Variants in TNFAIP8 observed in about 807,000 individuals in gnomAD.
TNFAIP8 encodes the protein tumor necrosis factor alpha-induced protein 8.
In TNFAIP8, 7 loss-of-function variants were observed where a neutral mutation model predicts 13.3. The observed-to-expected ratio is 0.52, with a 90% confidence interval of 0.30 to 0.99. The LOEUF (loss-of-function observed/expected upper bound fraction) is 0.99, where lower values mean the gene tolerates loss of function less well. Ranked by LOEUF, TNFAIP8 falls within the 50% of genes least tolerant of loss-of-function variation. TNFAIP8 has a pLI of 0.07. For synonymous variants in TNFAIP8, 94 were observed against 87.6 expected (o/e 1.07, Z -0.41); for missense variants, 258 against 236.9 (o/e 1.09, Z -0.58).
intron 1 of TNFAIP8, among the ~76,000 whole-genome samples, chr5:119,392,037 A>C (rs1257814829): frequency 6.6e-6 from 1 of 152,222 alleles, no homozygotes; most frequent in Non-Finnish European, 1.5e-5. Context: ...TCATTAGCTC[A>C]TGAAAAGGTT....
rs1753068979 is a variant in TNFAIP8, at chr5:119,396,225, T to C, written c.*2844T>C. 6.6e-6 allele frequency: 1 copy of C among 152,284 alleles called. No homozygotes were observed. The highest frequency in any genetic ancestry group is 2.4e-5 in the African/African-American group (1 of 41,466). 9.4% of individuals were successfully genotyped at this position (152,284 alleles called of 1,614,324 possible). A position where few individuals can be genotyped will look rare whatever the true frequency, so the allele number is the denominator to read the frequency against. ...GCTCAGAGAAGCGTGGGCAGTATGC[T>C]GCTGAAATGGTTCCTCATATAGTGA... is the stretch of plus-strand genomic sequence containing the variant. On this transcript the variant is annotated 3_prime_UTR_variant, in exon 2 of 2. Coordinates refer to ENST00000504771, the MANE Select transcript of TNFAIP8 (RefSeq NM_014350.4).
chr5:119,359,969 C>G (rs982680894), intron 1 of TNFAIP8, among the ~76,000 whole-genome samples: 1 of 152,188 alleles, frequency 6.6e-6, no homozygotes, highest in Non-Finnish European at 1.5e-5. Flanking sequence ...AGTGGAAAAT[C>G]CATTTAGAGA....
At chr5:119,391,923 A>G (rs937447498) in intron 1 of TNFAIP8, among the ~76,000 whole-genome samples, 2 of 152,248 alleles carry the variant, frequency 1.3e-5, no homozygotes, top group Non-Finnish European at 2.9e-5. Flanking sequence ...TTTAATATGT[A>G]TAGCCATTAT....
chr5:119,299,690 T>C, intron 1 of TNFAIP8, among the ~76,000 whole-genome samples: 1 of 152,136 alleles, frequency 6.6e-6, no homozygotes, highest in Admixed American at 6.5e-5. Context: ...GTCTTTTTGT[T>C]TGTTGTGCCC....
At chr5:119,391,300 T>G in intron 1 of TNFAIP8, 1 of 690,192 alleles carries the variant, frequency 1.4e-6, no homozygotes, top group Non-Finnish European at 2.7e-6. Context: ...TTGACTCATT[T>G]GTATGTATCT....
chr5:119,382,179 C>A (rs1752512263), intron 1 of TNFAIP8, among the ~76,000 whole-genome samples: 2 of 152,102 alleles, frequency 1.3e-5, no homozygotes, highest in South Asian at 4.1e-4. Context: ...TCTTTGAAGT[C>A]AATCTCCTTT....
At chr5:119,363,531 C>T (rs1751710096) in intron 1 of TNFAIP8, among the ~76,000 whole-genome samples, 1 of 152,196 alleles carries the variant, frequency 6.6e-6, no homozygotes, top group South Asian at 2.1e-4. Context: ...CTACAGGCCT[C>T]TTCCTGTGGC....
At chr5:119,375,892 A>G (rs1752258760) in intron 1 of TNFAIP8, among the ~76,000 whole-genome samples, 1 of 152,124 alleles carries the variant, frequency 6.6e-6, no homozygotes, top group Non-Finnish European at 1.5e-5. Context: ...ACTTAAACCT[A>G]AAGAATATGA....
Position 119,395,726 on chromosome 5 carries a change from A to G in TNFAIP8, c.*2345A>G, listed in dbSNP as rs1315202056. 2 of 152,196 alleles carry G rather than the reference A, an allele frequency of 1.3e-5. No homozygotes were observed. The highest frequency in any genetic ancestry group is 2.1e-4 in the South Asian group (1 of 4,834). The allele number at this position is 152,196 out of a possible 1,614,324, so 9.4% of individuals were successfully genotyped here. On this transcript the variant is annotated 3_prime_UTR_variant, in exon 2 of 2. Coordinates refer to ENST00000504771, the MANE Select transcript of TNFAIP8 (RefSeq NM_014350.4). ...GTCCAAAGTCGTGATTAGCAAGTTC[A>G]TTTCTAATACAATAGGACTCCCCTT...
intron 1 of TNFAIP8, among the ~76,000 whole-genome samples, chr5:119,281,260 C>T (rs547948246): frequency 6.6e-5 from 4 of 60,220 alleles, no homozygotes; most frequent in South Asian, 5.6e-4. Context: ...GGCCTTTCCT[C>T]GGTCAGAGCT....
rs1423887082 is a variant in TNFAIP8 at position 119,392,998 on chromosome 5, A to T, written c.214A>T (p.Ile72Phe). 2.5e-5 allele frequency: 41 copies of T among 1,613,056 alleles called. No homozygotes were observed. Among genetic ancestry groups the T allele is most frequent in the Non-Finnish European group, 3.3e-5 (39 of 1,179,534 alleles). The change falls in exon 2 of 2, where the codon ATC (isoleucine) becomes TTC (phenylalanine). Residue 72 changes from isoleucine (I) to phenylalanine (F), a missense_variant. Coordinates refer to ENST00000504771, the MANE Select transcript of TNFAIP8 (RefSeq NM_014350.4). ...AAACAAGAAGGAGGCAGAGAAGATC[A>T]TCAAGAACCTCATCAAGACAGTCAT... ...TQNKKEAEKI[I>F]KNLIKTVIKL...
chr5:119,301,277 C>T (rs1305690241), intron 1 of TNFAIP8, among the ~76,000 whole-genome samples: 1 of 152,308 alleles, frequency 6.6e-6, no homozygotes, highest in East Asian at 1.9e-4. Context: ...CCATTGGGCA[C>T]TCTATGCTTA....
At chr5:119,355,704 T>A (rs1312548383), upstream of TNFAIP8, 1 of 279,724 alleles carries the variant, frequency 3.6e-6, no homozygotes, top group Non-Finnish European at 6.6e-6. Flanking sequence ...ATACCTTTTT[T>A]TCCGCCCGTC....
intron 1 of TNFAIP8, among the ~76,000 whole-genome samples, chr5:119,298,882 C>T (rs1012069673): frequency 6.6e-6 from 1 of 152,242 alleles, no homozygotes; most frequent in Non-Finnish European, 1.5e-5. Flanking sequence ...GATACCCTTT[C>T]TTCCAGTTGA....
intron 1 of TNFAIP8, among the ~76,000 whole-genome samples, chr5:119,277,682 G>T (rs115163761): frequency 0.017 from 2,550 of 152,300 alleles, 70 homozygotes; most frequent in African/African-American, 0.059. Flanking sequence ...TTCTTAGTCT[G>T]TTTGTACTGC....
At chr5:119,361,625 G>C (rs1751639756) in intron 1 of TNFAIP8, among the ~76,000 whole-genome samples, 1 of 152,246 alleles carries the variant, frequency 6.6e-6, no homozygotes, top group East Asian at 1.9e-4. Context: ...TTAGGTGCCT[G>C]AAGCCTCCAG....
chr5:119,303,651 C>G (rs1749461407), intron 1 of TNFAIP8, among the ~76,000 whole-genome samples: 1 of 152,136 alleles, frequency 6.6e-6, no homozygotes, highest in African/African-American at 2.4e-5. Context: ...AAAATAAAAA[C>G]AAGTTGAATT....
At chr5:119,381,165 G>A (rs527982212) in intron 1 of TNFAIP8, among the ~76,000 whole-genome samples, 1 of 152,312 alleles carries the variant, frequency 6.6e-6, no homozygotes, top group South Asian at 2.1e-4. Context: ...GCGCTTCTGT[G>A]GTGGACGGCC....
chr5:119,269,871 A>G (rs972208664), intron 1 of TNFAIP8, among the ~76,000 whole-genome samples: 1 of 152,184 alleles, frequency 6.6e-6, no homozygotes, highest in African/African-American at 2.4e-5. Context: ...ATTGGAAGCT[A>G]TGGTATCATA....
Sources: gnomAD v4.1 joint callset for allele counts (sites outside exome capture counted in the v4.1 genomes callset) on GRCh38, gnomAD v4.1.1 for gene constraint, MANE v1.5 for transcripts, NCBI Gene and HGNC (gene_info 2026-07-23, HGNC 2026-07-21) for gene names.